VIPR2: variants seen among roughly 807,000 people sequenced by gnomAD.
The protein encoded by VIPR2 is vasoactive intestinal polypeptide receptor 2.
Under a neutral mutation model 58.0 loss-of-function variants are expected in VIPR2, and 48 were observed. The observed-to-expected ratio is 0.83, with a 90% CI of 0.66 to 1.05. The LOEUF is 1.05. VIPR2 is among the 50% of genes least tolerant of loss of function. The pLI is 0.00. For synonymous variants in VIPR2, 243 were observed against 235.2 expected, an observed-to-expected ratio of 1.03 and a Z score of -0.30; for missense variants, 534 against 558.0, an observed-to-expected ratio of 0.96 and a Z score of 0.43.
Position 159,054,525 on chromosome 7 carries a change from G to A in VIPR2, c.455+3956C>T, listed in dbSNP as rs78608736. On this transcript the variant is annotated intron_variant, in intron 5 of 12. Coordinates refer to ENST00000262178, the MANE Select transcript of VIPR2 (RefSeq NM_003382.5). ...AAAATGAGCAAACTCATTTTGAAATGGCACTTCAAAAAAAGCAAGATTTTA... is the reference window on the plus strand; with the variant it reads ...AAAATGAGCAAACTCATTTTGAAATAGCACTTCAAAAAAAGCAAGATTTTA... Among the ~76,000 whole-genome samples, 38 of 152,246 alleles carry A rather than the reference G, an allele frequency of 2.5e-4. No individual in the cohort carries two copies. The South Asian group carries it at 3.9e-3, about 16-fold the overall frequency.
chr7:159,084,919 G>A (rs1200774370), intron 4 of VIPR2, among the ~76,000 whole-genome samples: 1 of 152,208 alleles, frequency 6.6e-6, no homozygotes, highest in Non-Finnish European at 1.5e-5. Flanking sequence ...TCTCCAAGAT[G>A]CCACTGCAAT....
chr7:159,105,200 G>A (rs1475286540), intron 3 of VIPR2, among the ~76,000 whole-genome samples: 3 of 152,128 alleles, frequency 2.0e-5, no homozygotes, highest in Non-Finnish European at 2.9e-5. Context: ...GGCACTGAAC[G>A]CCGTGCCAGC....
chr7:159,113,566 T>G (rs1796123717), intron 2 of VIPR2, among the ~76,000 whole-genome samples: 1 of 152,148 alleles, frequency 6.6e-6, no homozygotes, highest in Admixed American at 6.5e-5. Flanking sequence ...TGAGACCACC[T>G]CAGTGCAGTG....
chr7:159,096,709 A>C lies in VIPR2; in HGVS notation c.357+7048T>G, dbSNP rs1857868826. 3 of 1,339,850 alleles carry C rather than the reference A, an allele frequency of 2.2e-6. No individual in the cohort carries two copies. In the East Asian group the frequency reaches 7.7e-5, roughly 35 times the overall value. 83.0% of individuals were successfully genotyped at this position (1,339,850 alleles called of 1,614,324 possible). A position where few individuals can be genotyped will look rare whatever the true frequency, so the allele number is the denominator to read the frequency against. On this transcript the variant is annotated intron_variant, in intron 4 of 12. Coordinates refer to ENST00000262178, the MANE Select transcript of VIPR2 (RefSeq NM_003382.5). This position sits in a 1 kb window ranked among gnomAD's most constrained non-coding sequence, Gnocchi z 5.5. ...AACTAAACAGCAGAAAAGTGCTCAT[A>C]ATCCTGTCTGGTTGTGCCAGGTGAC...
intron 6 of VIPR2, 136 bp downstream of exon 6, chr7:159,042,899 A>C: frequency 4.9e-6 from 6 of 1,222,968 alleles, no homozygotes; most frequent in Non-Finnish European, 6.5e-6. Context: ...CCTCTCTGCC[A>C]GGCTCTCTGT....
At position 159,144,818 on chromosome 7, in the gene VIPR2, C is replaced by T; in HGVS notation, c.-47G>A. On this transcript the variant is annotated 5_prime_UTR_variant, in exon 1 of 13. Coordinates refer to ENST00000262178, the MANE Select transcript of VIPR2 (RefSeq NM_003382.5). The stretch of plus-strand genomic sequence containing the variant: ...GCCGCCCAGCGCCCGCCGCCTCCGT[C>T]CTAGGTCCCCGCGGTTCCGCCGCCT... 1 of 1,234,812 alleles carries T rather than the reference C, an allele frequency of 8.1e-7. No individual in the cohort carries two copies. The highest frequency in any genetic ancestry group is 1.0e-6 in the Non-Finnish European group (1 of 989,768). The allele number at this position is 1,234,812 out of a possible 1,614,324, so 76.5% of individuals were successfully genotyped here.
intron 5 of VIPR2, among the ~76,000 whole-genome samples, chr7:159,052,764 CAAATT>C (rs1176095975): frequency 2.0e-5 from 3 of 152,008 alleles, no homozygotes; most frequent in Admixed American, 6.5e-5. Flanking sequence ...TGTAATATTT[CAAATT>C]AAATGAACAA....
At chr7:159,106,905 T>G (rs1306323231) in intron 3 of VIPR2, among the ~76,000 whole-genome samples, 109 of 78,036 alleles carry the variant, frequency 1.4e-3, no homozygotes, top group African/African-American at 1.8e-3. Flanking sequence ...GCCAGGGAGG[T>G]GCAGAAAGAG....
Position 159,109,928 on chromosome 7 carries a change from A to G in VIPR2, c.152-9T>C. Reference sequence around the variant, plus strand: ...CCAGACGCCACTGCAGGCTGGAAGGAGAGAAGCAGAGTGAGGCAGGTGCAA... The same window carrying G: ...CCAGACGCCACTGCAGGCTGGAAGGGGAGAAGCAGAGTGAGGCAGGTGCAA... On this transcript the variant is annotated splice_polypyrimidine_tract_variant and intron_variant, in intron 2 of 12. Coordinates refer to ENST00000262178, the MANE Select transcript of VIPR2 (RefSeq NM_003382.5). The G allele has an allele frequency of 1.2e-6, 2 of 1,612,650 alleles. No individual in the cohort carries two copies. Among genetic ancestry groups the G allele is most frequent in the Non-Finnish European group, 1.7e-6 (2 of 1,179,962 alleles).
At chr7:159,088,634 C>T (rs1857314871) in intron 4 of VIPR2, among the ~76,000 whole-genome samples, 1 of 152,264 alleles carries the variant, frequency 6.6e-6, no homozygotes, top group South Asian at 2.1e-4. Context: ...ACAAGTTGGA[C>T]TAAGCCCTGA....
intron 7 of VIPR2, among the ~76,000 whole-genome samples, chr7:159,036,300 T>A (rs181853035): frequency 6.2e-4 from 95 of 152,228 alleles, no homozygotes; most frequent in African/African-American, 2.2e-3. Flanking sequence ...AGGAGATGTG[T>A]TCACTGATTT....
In VIPR2 at chr7:159,036,792, G is replaced by C. The variant is rs1853992060; in HGVS notation, c.708C>G (p.Pro236=). ...GGTAGGCCAGGAAGCACCTTCTAGGGGGGAGCATGGCCACCAGGAGGGTGT... is the reference window on the plus strand; with the variant it reads ...GGTAGGCCAGGAAGCACCTTCTAGGCGGGAGCATGGCCACCAGGAGGGTGT... ...YLHTLLVAML[P]PRRCFLAYLL... Residue 236 remains proline (P), a synonymous_variant, in exon 7 of 13, where the codon CCC becomes CCG. Coordinates refer to ENST00000262178, the MANE Select transcript of VIPR2 (RefSeq NM_003382.5). The C allele has an allele frequency of 1.9e-6, 3 of 1,613,932 alleles. No homozygotes were observed. Among genetic ancestry groups the C allele is most frequent in the Non-Finnish European group, 1.7e-6 (2 of 1,179,960 alleles).
intron 5 of VIPR2, among the ~76,000 whole-genome samples, chr7:159,057,698 G>A (rs367643595): frequency 1.3e-5 from 2 of 152,190 alleles, no homozygotes; most frequent in African/African-American, 2.4e-5. Flanking sequence ...TGATACGTAA[G>A]ACAGATTTAA....
intron 3 of VIPR2, 60 bp from the exon 4 acceptor site, chr7:159,103,914 A>T: frequency 6.9e-7 from 1 of 1,453,630 alleles, no homozygotes; most frequent in Non-Finnish European, 9.6e-7. Flanking sequence ...CTTAGAAGGG[A>T]CCTTAGTCCG....
chr7:159,117,883 C>T (rs1796299133), intron 2 of VIPR2, among the ~76,000 whole-genome samples: 1 of 152,228 alleles, frequency 6.6e-6, no homozygotes, highest in African/African-American at 2.4e-5. Context: ...AGAAGCAAAG[C>T]CTCCTGAGAC....
chr7:159,083,743 G>GACAAGCA (rs1857030960), intron 4 of VIPR2, among the ~76,000 whole-genome samples: 1 of 152,246 alleles, frequency 6.6e-6, no homozygotes, highest in Admixed American at 6.5e-5. Context: ...TTTGGGGGGT[G>GACAAGCA]ACAAGCAACA....
At position 159,109,888 on chromosome 7, in the gene VIPR2, G is replaced by A; in HGVS notation, c.183C>T (p.Cys61=). 2 of 1,614,000 alleles carry A rather than the reference G, an allele frequency of 1.2e-6. No individual in the cohort carries two copies. The highest frequency in any genetic ancestry group is 1.7e-6 in the Non-Finnish European group (2 of 1,180,042). The change falls in exon 3 of 13, where the codon TGC becomes TGT. Residue 61 remains cysteine (C), a synonymous_variant. Transcript: ENST00000262178. Reference sequence around the variant, plus strand: ...TCTCTCCCACATTGGCAGGCCGCCAGCACGTGATGTTGTCCCAGACGCCAC... The same window carrying A: ...TCTCTCCCACATTGGCAGGCCGCCAACACGTGATGTTGTCCCAGACGCCAC... ...ACSGVWDNIT[C]WRPANVGETV...
chr7:159,104,194 G>T (rs1241336106), intron 3 of VIPR2, among the ~76,000 whole-genome samples: 4 of 152,158 alleles, frequency 2.6e-5, no homozygotes, highest in African/African-American at 9.7e-5. Flanking sequence ...TTATAGCCAA[G>T]CCCTGGCCAT....
intron 5 of VIPR2, among the ~76,000 whole-genome samples, chr7:159,047,243 T>TCAAA (rs1239307275): frequency 2.0e-5 from 3 of 152,132 alleles, no homozygotes; most frequent in Non-Finnish European, 1.5e-5. Context: ...AAACTTTGTC[T>TCAAA]CAAACAAACA....
Sources: gnomAD v4.1 joint callset for allele counts (sites outside exome capture counted in the v4.1 genomes callset) on GRCh38, gnomAD v4.1.1 for gene constraint, Gnocchi (gnomAD v3.1) non-coding constraint, MANE v1.5 for transcripts, NCBI Gene and HGNC (gene_info 2026-07-23, HGNC 2026-07-21) for gene names.